The following SLITRK5 variants were observed in gnomAD, a reference collection of about 807,000 sequenced individuals.
SLITRK5 encodes SLIT and NTRK-like protein 5.
In SLITRK5, 23 loss-of-function variants were observed where a neutral mutation model predicts 56.2. That is an observed-to-expected ratio of 0.41 (90% CI 0.29 to 0.58). SLITRK5 has a LOEUF of 0.58. Ranked by LOEUF, SLITRK5 falls within the 20% of genes least tolerant of loss-of-function variation. SLITRK5 has a pLI of 0.30. For synonymous variants in SLITRK5, 637 were observed against 531.8 expected (o/e 1.20, Z -2.72); for missense variants, 1,289 against 1,226.6 (o/e 1.05, Z -0.76).
In SLITRK5 at chr13:87,677,561, G is replaced by A; in HGVS notation, c.2173G>A (p.Gly725Ser). 1.2e-6 allele frequency: 2 copies of A among 1,608,798 alleles called. No individual in the cohort carries two copies. The highest frequency in any genetic ancestry group is 2.2e-5 in the East Asian group (1 of 44,660). The change falls in exon 2 of 2, where the codon GGC becomes AGC. Residue 725 changes from glycine (G) to serine (S), a missense_variant. Physicochemically the swap from Gly to Ser is moderately conservative, Grantham distance 56. Around this residue, in one of 3 missense-constraint regions of SLITRK5, gnomAD observed 985 missense variants for 906.0 expected, o/e 1.09. Transcript: ENST00000683689. The surrounding 1 kb of genome is among the most constrained non-coding windows in gnomAD (Gnocchi z 4.7). Reference sequence around the variant, plus strand: ...GTACGGCGGCGGCGGCGGCACGGGCGGCCACCCACACGCGCACGTGCATCA... The same window carrying A: ...GTACGGCGGCGGCGGCGGCACGGGCAGCCACCCACACGCGCACGTGCATCA... The part of the protein sequence containing the change: ...SVYGGGGGTG[G>S]HPHAHVHHRG...
rs746698949 is a variant in SLITRK5 at position 87,677,519 on chromosome 13, A to G, written c.2131A>G (p.Asn711Asp). 1 of 1,612,152 alleles carries G rather than the reference A, an allele frequency of 6.2e-7. No individual in the cohort carries two copies. Residue 711 changes from asparagine to aspartate, a missense_variant, in exon 2 of 2, where the codon AAC becomes GAC. By Grantham distance (23) the Asn-to-Asp change is conservative. This residue lies in a region of SLITRK5 where 985 missense variants were observed against 906.0 expected (regional missense o/e 1.09). Transcript: ENST00000683689. This position sits in a 1 kb window ranked among gnomAD's most constrained non-coding sequence, Gnocchi z 4.7. ...CAACAACTCCGACGTGAGCTCCTTT[A>G]ACATGCAGTACAGCGTGTACGGCGG... ...STNNSDVSSF[N>D]MQYSVYGGGG...
At chr13:87,673,624 C>T (rs1282966455) in intron 1 of SLITRK5, 2 of 763,822 alleles carry the variant, frequency 2.6e-6, no homozygotes, top group Non-Finnish European at 3.9e-6. Flanking sequence ...CGCTTTTAAG[C>T]CGGGAGACGT....
Position 87,676,974 on chromosome 13 carries a change from C to A in SLITRK5, c.1586C>A (p.Thr529Asn), listed in dbSNP as rs767437167. The A allele has an allele frequency of 2.2e-5, 35 of 1,614,068 alleles. No homozygotes were observed. Among genetic ancestry groups the A allele is most frequent in the Middle Eastern group, 1.6e-4 (1 of 6,082 alleles). Residue 529 changes from threonine to asparagine, a missense_variant, in exon 2 of 2, where the codon ACC (threonine) becomes AAC (asparagine). Physicochemically the swap from Thr to Asn is moderately conservative, Grantham distance 65. This residue lies in a region of SLITRK5 where 985 missense variants were observed against 906.0 expected (regional missense o/e 1.09). Coordinates refer to ENST00000683689, the MANE Select transcript of SLITRK5 (RefSeq NM_001384609.1). ...CCCTCAGGCGTCTTCTCTGGCTTGACCCTCCTCAGGCTAAACCTGAGGAGT... is the reference window on the plus strand; with the variant it reads ...CCCTCAGGCGTCTTCTCTGGCTTGAACCTCCTCAGGCTAAACCTGAGGAGT... ...AMPSGVFSGL[T>N]LLRLNLRSNH...
chr13:87,676,494 C>T lies in SLITRK5; in HGVS notation c.1106C>T (p.Pro369Leu). 1 of 1,614,070 alleles carries T rather than the reference C, an allele frequency of 6.2e-7. No homozygotes were observed. Among genetic ancestry groups the T allele is most frequent in the Non-Finnish European group, 8.5e-7 (1 of 1,179,998 alleles). The part of the protein sequence containing the change: ...GPSIAYQTKS[P>L]VPLECPTACS... The stretch of plus-strand genomic sequence containing the variant: ...AGCATCGCCTATCAGACCAAATCCC[C>T]GGTGCCTTTGGAGTGTCCCACCGCG... The change falls in exon 2 of 2, where the codon CCG (proline) becomes CTG (leucine). Residue 369 changes from proline to leucine, a missense_variant. Around this residue, in one of 3 missense-constraint regions of SLITRK5, gnomAD observed 985 missense variants for 906.0 expected, o/e 1.09. Coordinates refer to ENST00000683689, the MANE Select transcript of SLITRK5 (RefSeq NM_001384609.1).
Position 87,677,121 on chromosome 13 carries a change from T to C in SLITRK5, c.1733T>C (p.Val578Ala), listed in dbSNP as rs772180887. 19 of 1,614,116 alleles carry C rather than the reference T, an allele frequency of 1.2e-5. No individual in the cohort carries two copies. In the South Asian group the frequency reaches 2.1e-4, roughly 18 times the overall value. Residue 578 changes from valine (V) to alanine (A), a missense_variant, in exon 2 of 2, where the codon GTG becomes GCG. Val to Ala is a moderately conservative substitution (Grantham distance 64, BLOSUM62 0). Transcript: ENST00000683689. The surrounding 1 kb of genome is among the most constrained non-coding windows in gnomAD (Gnocchi z 4.7). ...GACATTGTGGGCATGAAGCTGTGGG[T>C]GGAGCAGCTCAAAGTGGGCGTCCTA... ...TCDIVGMKLW[V>A]EQLKVGVLVD...
chr13:87,674,405 G>T (rs1877181621), intron 1 of SLITRK5: 1 of 985,348 alleles, frequency 1.0e-6, no homozygotes. Context: ...CGGAGCCCAA[G>T]GTAAGGGAGG....
Position 87,671,500 on chromosome 13 carries a change from G to A in SLITRK5, c.-718G>A, listed in dbSNP as rs1452188616. On this transcript the variant is annotated 5_prime_UTR_variant, in exon 1 of 2. The change creates a new upstream start codon in the 5' untranslated region. Transcript: ENST00000683689. The stretch of plus-strand genomic sequence containing the variant: ...CCGGAGCAGCTGTCTCAGAGACCCG[G>A]TGTTGCTTACCGCGTTGCCACCTCC... Among the ~76,000 whole-genome samples the A allele has an allele frequency of 6.6e-6, 1 of 152,052 alleles. No homozygotes were observed. Among genetic ancestry groups the A allele is most frequent in the African/African-American group, 2.4e-5 (1 of 41,412 alleles).
At chr13:87,673,716 C>A (rs1052934609) in intron 1 of SLITRK5, 6 of 440,354 alleles carry the variant, frequency 1.4e-5, no homozygotes, top group African/African-American at 1.2e-4. Flanking sequence ...TCTGGGTGGC[C>A]ACACGTGAAT....
chr13:87,676,505 G>C lies in SLITRK5; in HGVS notation c.1117G>C (p.Glu373Gln). Reference sequence around the variant, plus strand: ...TCAGACCAAATCCCCGGTGCCTTTGGAGTGTCCCACCGCGTGCTCTTGCAA... The same window carrying C: ...TCAGACCAAATCCCCGGTGCCTTTGCAGTGTCCCACCGCGTGCTCTTGCAA... Reference protein sequence around the residue: ...AYQTKSPVPLECPTACSCNLQ... With the variant: ...AYQTKSPVPLQCPTACSCNLQ... The change falls in exon 2 of 2, where the codon GAG becomes CAG. Residue 373 changes from glutamate (E) to glutamine (Q), a missense_variant. Glu to Gln is a conservative substitution (Grantham distance 29, BLOSUM62 2). Around this residue, in one of 3 missense-constraint regions of SLITRK5, gnomAD observed 985 missense variants for 906.0 expected, o/e 1.09. Coordinates refer to ENST00000683689, the MANE Select transcript of SLITRK5 (RefSeq NM_001384609.1). The C allele has an allele frequency of 6.2e-7, 1 of 1,614,068 alleles. No homozygotes were observed.
chr13:87,672,974 C>T (rs1173491816), intron 1 of SLITRK5: 3 of 157,974 alleles, frequency 1.9e-5, no homozygotes, highest in African/African-American at 7.4e-5. Flanking sequence ...TCCCTTCCTT[C>T]TCTTTGGGGC....
At position 87,678,221 on chromosome 13, in the gene SLITRK5, T is replaced by TACCTC. The variant is rs780924394; in HGVS notation, c.2834_2838dup (p.Glu947ThrfsTer41). ...AGCAAAACTAAACGTTGAGCCGGAC[T>TACCTC]ACCTCGAAGTGCTGGAAAAACAGAC... On this transcript the variant is annotated frameshift_variant, in exon 2 of 2. Transcript: ENST00000683689. The TACCTC allele has an allele frequency of 6.2e-7, 1 of 1,613,978 alleles. No individual in the cohort carries two copies.
In SLITRK5 at chr13:87,677,281, T is replaced by C. The variant is rs375893127; in HGVS notation, c.1893T>C (p.Pro631=). Residue 631 remains proline, a synonymous_variant, in exon 2 of 2, where the codon CCT becomes CCC. Transcript: ENST00000683689. The surrounding 1 kb of genome is among the most constrained non-coding windows in gnomAD (Gnocchi z 4.7). ...CCACACCCTCCTCTATCCAGGTCCC[T>C]GCGAGGACCAGCGCCGTGACTCCTG... ...STPTPSSIQV[P]ARTSAVTPAV... The C allele has an allele frequency of 2.5e-6, 4 of 1,614,170 alleles. No individual in the cohort carries two copies. Among genetic ancestry groups the C allele is most frequent in the South Asian group, 1.1e-5 (1 of 91,086 alleles).
chr13:87,676,544 G>C lies in SLITRK5; in HGVS notation c.1156G>C (p.Asp386His). The change falls in exon 2 of 2, where the codon GAT (aspartate) becomes CAT (histidine). Residue 386 changes from aspartate to histidine, a missense_variant. Physicochemically the swap from Asp to His is moderately conservative, Grantham distance 81 (BLOSUM62 -1). Coordinates refer to ENST00000683689, the MANE Select transcript of SLITRK5 (RefSeq NM_001384609.1). ...TACSCNLQISDLGLNVNCQER... is the reference protein window; with the variant it reads ...TACSCNLQISHLGLNVNCQER... ...GTGCTCTTGCAACCTGCAGATCTCT[G>C]ATCTGGGCCTCAACGTAAACTGCCA... The C allele has an allele frequency of 6.2e-7, 1 of 1,614,134 alleles. No homozygotes were observed. Among genetic ancestry groups the C allele is most frequent in the Non-Finnish European group, 8.5e-7 (1 of 1,180,034 alleles).
At position 87,677,581 on chromosome 13, in the gene SLITRK5, G is replaced by A; in HGVS notation, c.2193G>A (p.Val731=). 1 of 1,609,700 alleles carries A rather than the reference G, an allele frequency of 6.2e-7. No individual in the cohort carries two copies. The highest frequency in any genetic ancestry group is 1.1e-5 in the South Asian group (1 of 90,944). The stretch of plus-strand genomic sequence containing the variant: ...CGGGCGGCCACCCACACGCGCACGT[G>A]CATCACCGCGGGCCCGCGCTGCCCA... The part of the protein sequence containing the change: ...GGTGGHPHAH[V]HHRGPALPKV... The change falls in exon 2 of 2, where the codon GTG becomes GTA. Residue 731 remains valine, a synonymous_variant. Coordinates refer to ENST00000683689, the MANE Select transcript of SLITRK5 (RefSeq NM_001384609.1). This position sits in a 1 kb window ranked among gnomAD's most constrained non-coding sequence, Gnocchi z 4.7.
chr13:87,674,271 C>A, intron 1 of SLITRK5: 1 of 477,040 alleles, frequency 2.1e-6, no homozygotes, highest in Non-Finnish European at 2.7e-6. Flanking sequence ...CGTCCTTTCC[C>A]TGAGATTAAA....
rs751752545 is a variant in SLITRK5 at position 87,677,426 on chromosome 13, G to A, written c.2038G>A (p.Val680Met). The A allele has an allele frequency of 2.5e-6, 4 of 1,613,302 alleles. No individual in the cohort carries two copies. The highest frequency in any genetic ancestry group is 3.4e-6 in the Non-Finnish European group (4 of 1,180,010). The change falls in exon 2 of 2, where the codon GTG (valine) becomes ATG (methionine). Residue 680 changes from valine (V) to methionine (M), a missense_variant. By Grantham distance (21) the Val-to-Met change is conservative. This residue lies in a region of SLITRK5 where 985 missense variants were observed against 906.0 expected (regional missense o/e 1.09). Transcript: ENST00000683689. The surrounding 1 kb of genome is among the most constrained non-coding windows in gnomAD (Gnocchi z 4.7). ...GCTGGTTTTCATCATGTCCGTCTTC[G>A]TGGCCGCCGGGCTCTTCGTGCTGGT... ...LLLVFIMSVF[V>M]AAGLFVLVMK...
rs752250660 is a variant in SLITRK5 at position 87,677,010 on chromosome 13, C to A, written c.1622C>A (p.Thr541Asn). 6.2e-7 allele frequency: 1 copy of A among 1,614,156 alleles called. No homozygotes were observed. The highest frequency in any genetic ancestry group is 1.1e-5 in the South Asian group (1 of 91,078). Reference sequence around the variant, plus strand: ...CTAAACCTGAGGAGTAACCACTTCACCTCCTTGCCAGTGAGTGGAGTTTTG... The same window carrying A: ...CTAAACCTGAGGAGTAACCACTTCAACTCCTTGCCAGTGAGTGGAGTTTTG... ...LRLNLRSNHF[T>N]SLPVSGVLDQ... is the part of the protein sequence containing the mutation. The change falls in exon 2 of 2, where the codon ACC becomes AAC. Residue 541 changes from threonine to asparagine, a missense_variant. Coordinates refer to ENST00000683689, the MANE Select transcript of SLITRK5 (RefSeq NM_001384609.1). This position sits in a 1 kb window ranked among gnomAD's most constrained non-coding sequence, Gnocchi z 4.7.
Position 87,676,003 on chromosome 13 carries a change from G to C in SLITRK5, c.615G>C (p.Leu205Phe). Reference protein sequence around the residue: ...NLFRFVPLTHLDLRGNRLKLL... With the variant: ...NLFRFVPLTHFDLRGNRLKLL... ...TCCGTTTTGTGCCCTTAACGCACTTGGACCTCCGGGGGAACCGGCTGAAAC... is the reference window on the plus strand; with the variant it reads ...TCCGTTTTGTGCCCTTAACGCACTTCGACCTCCGGGGGAACCGGCTGAAAC... The change falls in exon 2 of 2, where the codon TTG (leucine) becomes TTC (phenylalanine). Residue 205 changes from leucine (L) to phenylalanine (F), a missense_variant. By Grantham distance (22) the Leu-to-Phe change is conservative. Coordinates refer to ENST00000683689, the MANE Select transcript of SLITRK5 (RefSeq NM_001384609.1). 1 of 1,614,122 alleles carries C rather than the reference G, an allele frequency of 6.2e-7. No individual in the cohort carries two copies. Among genetic ancestry groups the C allele is most frequent in the South Asian group, 1.1e-5 (1 of 91,082 alleles).
In SLITRK5 at chr13:87,675,378, C is replaced by T. The variant is rs1293470116; in HGVS notation, c.-8-3C>T. 4.4e-6 allele frequency: 7 copies of T among 1,608,600 alleles called. No homozygotes were observed. The highest frequency in any genetic ancestry group is 8.5e-7 in the Non-Finnish European group (1 of 1,175,312). ...ATTTCCTTGTTTTCTCTCTCCCTTA[C>T]AGGAGGTAAAATGCACACTTGCTGC... On this transcript the variant is annotated splice_region_variant and splice_polypyrimidine_tract_variant and intron_variant, in intron 1 of 1. Transcript: ENST00000683689.
Sources: gnomAD v4.1 joint callset for allele counts (sites outside exome capture counted in the v4.1 genomes callset) on GRCh38, gnomAD v4.1.1 for gene constraint, gnomAD v4.1.1 regional missense constraint, Gnocchi (gnomAD v3.1) non-coding constraint, MANE v1.5 for transcripts, NCBI Gene and HGNC (gene_info 2026-07-23, HGNC 2026-07-21) for gene names.